TUSC3: variants seen among roughly 807,000 people sequenced by gnomAD.
The protein encoded by TUSC3 is dolichyl-diphosphooligosaccharide--protein glycosyltransferase subunit TUSC3.
In TUSC3, 45 loss-of-function variants were observed where a neutral mutation model predicts 44.8. The ratio of observed to expected loss-of-function variants is 1.00; its 90% CI spans 0.79 to 1.29. TUSC3 has a LOEUF of 1.29. Among genes scored for constraint, TUSC3 ranks in the 50% most tolerant of loss-of-function variants. TUSC3 has a pLI of 0.00. For missense variants in TUSC3, 519 were observed against 437.9 expected (o/e 1.19, Z -1.65); for synonymous variants, 212 against 152.9 (o/e 1.39, Z -2.85).
At chr8:15,631,372 A>C (rs1805756692) in intron 2 of TUSC3, among the ~76,000 whole-genome samples, 1 of 152,138 alleles carries the variant, frequency 6.6e-6, no homozygotes, top group African/African-American at 2.4e-5. Context: ...GTGACATTGT[A>C]GCATTCCTTG....
At chr8:15,463,922 C>A (rs1323322233) in intron 1 of TUSC3, among the ~76,000 whole-genome samples, 1 of 152,138 alleles carries the variant, frequency 6.6e-6, no homozygotes, top group Non-Finnish European at 1.5e-5. Flanking sequence ...CCTATTTGAT[C>A]ATTAGTGCGC....
the TUSC3 span, among the ~76,000 whole-genome samples, chr8:15,835,148 T>C: frequency 6.6e-6 from 1 of 152,228 alleles, no homozygotes; most frequent in Non-Finnish European, 1.5e-5. Flanking sequence ...ACTCATCTTT[T>C]TAGACTTATC....
chr8:15,673,987 C>T (rs557928397), intron 6 of TUSC3, 151 bp downstream of exon 6: 6 of 653,564 alleles, frequency 9.2e-6, no homozygotes, highest in African/African-American at 1.8e-5. Flanking sequence ...CACCTATATA[C>T]ACATGTGCAT....
chr8:15,534,992 A>C (rs145040375), intron 2 of TUSC3, among the ~76,000 whole-genome samples: 1 of 152,170 alleles, frequency 6.6e-6, no homozygotes, highest in South Asian at 2.1e-4. Flanking sequence ...TTGTCTATTA[A>C]GCTAGGTTAC....
rs764600596 is a variant in TUSC3, at chr8:15,623,115, A to G, written c.174A>G (p.Glu58=). ...LLAEKVEQLM[E]WSSRRSIFRM... is the part of the protein sequence containing the mutation. ...CTGAAAAAGTAGAGCAGCTGATGGAATGGAGTTCCAGACGCTCAATCTTCC... is the reference window on the plus strand; with the variant it reads ...CTGAAAAAGTAGAGCAGCTGATGGAGTGGAGTTCCAGACGCTCAATCTTCC... The change falls in exon 2 of 11, where the codon GAA becomes GAG. Residue 58 remains glutamate, a synonymous_variant. Coordinates refer to ENST00000503731, the MANE Select transcript of TUSC3 (RefSeq NM_006765.4). The G allele has an allele frequency of 6.8e-6, 11 of 1,613,824 alleles. No individual in the cohort carries two copies. In the Admixed American group the frequency reaches 1.2e-4, roughly 17 times the overall value.
At chr8:15,528,449 G>A (rs1232865075) in intron 2 of TUSC3, among the ~76,000 whole-genome samples, 2 of 152,078 alleles carry the variant, frequency 1.3e-5, no homozygotes, top group Non-Finnish European at 2.9e-5. Flanking sequence ...AAGTTGAATC[G>A]GTCAATTGTA....
At chr8:15,798,765 C>T in the TUSC3 span, among the ~76,000 whole-genome samples, 1 of 152,106 alleles carries the variant, frequency 6.6e-6, no homozygotes, top group East Asian at 1.9e-4. Context: ...TTGACTGGCT[C>T]TTACAGGGAC....
At chr8:15,439,214 A>G (rs557744610) in intron 1 of TUSC3, among the ~76,000 whole-genome samples, 1 of 152,320 alleles carries the variant, frequency 6.6e-6, no homozygotes. Context: ...GCGACCCAGG[A>G]AACCCAGTGA....
At chr8:15,671,301 C>G (rs764361039) in intron 5 of TUSC3, among the ~76,000 whole-genome samples, 38 of 151,850 alleles carry the variant, frequency 2.5e-4, no homozygotes, top group Middle Eastern at 3.4e-3. Flanking sequence ...TGAATCATGC[C>G]CTTTTTTGTA....
At chr8:15,439,305 C>T (rs1013624924) in intron 1 of TUSC3, among the ~76,000 whole-genome samples, 1 of 152,316 alleles carries the variant, frequency 6.6e-6, no homozygotes, top group South Asian at 2.1e-4. Context: ...GTGGCTCATG[C>T]TTGTAATCCC....
intron 5 of TUSC3, among the ~76,000 whole-genome samples, chr8:15,663,527 C>T (rs962082815): frequency 9.9e-5 from 15 of 151,784 alleles, no homozygotes; most frequent in African/African-American, 3.6e-4. Flanking sequence ...CACCTTGAAG[C>T]AATTTCATTT....
intron 10 of TUSC3, among the ~76,000 whole-genome samples, chr8:15,762,549 G>C (rs1387981600): frequency 6.6e-6 from 1 of 151,998 alleles, no homozygotes; most frequent in Non-Finnish European, 1.5e-5. Context: ...GCTTTTACAG[G>C]GGTAATATCG....
intron 1 of TUSC3, among the ~76,000 whole-genome samples, chr8:15,432,975 T>A (rs1306785437): frequency 2.6e-5 from 4 of 152,162 alleles, no homozygotes; most frequent in Non-Finnish European, 5.9e-5. Flanking sequence ...TCAAAATGGT[T>A]TCTTTTTCCC....
At chr8:15,626,621 C>A (rs532518604) in intron 2 of TUSC3, among the ~76,000 whole-genome samples, 6 of 152,302 alleles carry the variant, frequency 3.9e-5, no homozygotes, top group African/African-American at 1.4e-4. Flanking sequence ...AGGAAGGCCC[C>A]CCTTACCCCT....
At chr8:15,708,806 G>A (rs1809720868) in intron 6 of TUSC3, among the ~76,000 whole-genome samples, 1 of 151,778 alleles carries the variant, frequency 6.6e-6, no homozygotes, top group Admixed American at 6.6e-5. Context: ...ACTGATAAAA[G>A]TGAAACAGAA....
the TUSC3 span, among the ~76,000 whole-genome samples, chr8:15,815,319 G>A: frequency 1.1e-4 from 17 of 152,120 alleles, no homozygotes; most frequent in East Asian, 3.1e-3. Flanking sequence ...GTTCTTGGGG[G>A]GCAGGATAGG....
chr8:15,699,561 A>G (rs1031482271), intron 6 of TUSC3, among the ~76,000 whole-genome samples: 1 of 152,232 alleles, frequency 6.6e-6, no homozygotes, highest in Non-Finnish European at 1.5e-5. Context: ...CAGGAAAAAG[A>G]TTATATGCAG....
chr8:15,493,685 A>C (rs1175744012), intron 2 of TUSC3, among the ~76,000 whole-genome samples: 1 of 152,196 alleles, frequency 6.6e-6, no homozygotes, highest in South Asian at 2.1e-4. Context: ...CCCTTAGGGA[A>C]TGAACTATCC....
chr8:15,768,089 A>G (rs761627020), downstream of TUSC3, among the ~76,000 whole-genome samples: 1 of 152,184 alleles, frequency 6.6e-6, no homozygotes, highest in Non-Finnish European at 1.5e-5. Flanking sequence ...AACAGCCCAG[A>G]TAAGTGTTGA....
Sources: allele counts gnomAD v4.1 joint callset (sites outside exome capture counted in the v4.1 genomes callset), GRCh38; gene constraint gnomAD v4.1.1; transcripts MANE v1.5; gene names NCBI Gene and HGNC (gene_info 2026-07-23, HGNC 2026-07-21).